The following PLEC variants were observed in gnomAD, a reference collection of about 807,000 sequenced individuals.
PLEC encodes the protein hemidesmosomal protein 1.
A neutral mutation model predicts 392.8 loss-of-function variants in PLEC; 216 were observed. That is an observed-to-expected ratio of 0.55 (90% CI 0.49 to 0.62). The LOEUF is 0.62. Among genes scored for constraint, PLEC ranks in the 20% least tolerant of loss-of-function variants. PLEC has a pLI of 0.00. For synonymous variants in PLEC, 3,621 were observed against 2,980.6 expected (o/e 1.21, Z -7.00); for missense variants, 6,863 against 6,563.4 (o/e 1.05, Z -1.58).
upstream of PLEC, among the ~76,000 whole-genome samples, chr8:143,951,527 C>G (rs1832146737): frequency 6.6e-6 from 1 of 152,146 alleles, no homozygotes; most frequent in South Asian, 2.1e-4. Flanking sequence ...CTCAAGTTAA[C>G]ACTTCCCATT....
chr8:143,975,255 T>G, upstream of PLEC: 1 of 1,608,390 alleles, frequency 6.2e-7, no homozygotes, highest in Middle Eastern at 1.6e-4. This position sits in a 1 kb window ranked among gnomAD's most constrained non-coding sequence, Gnocchi z 9.9. Flanking sequence ...CTGCGCCGGC[T>G]CCGCTGCGTT....
chr8:143,919,222 G>T lies in PLEC; in HGVS notation c.10599C>A (p.Asp3533Glu). 2 of 1,613,884 alleles carry T rather than the reference G, an allele frequency of 1.2e-6. No individual in the cohort carries two copies. Among genetic ancestry groups the T allele is most frequent in the South Asian group, 1.1e-5 (1 of 91,084 alleles). The change falls in exon 32 of 32, where the codon GAC (aspartate) becomes GAA (glutamate). Residue 3533 changes from aspartate to glutamate, a missense_variant. By Grantham distance (45) the Asp-to-Glu change is conservative. Coordinates refer to ENST00000345136, the MANE Select transcript of PLEC (RefSeq NM_201384.3). ...GCAGAAGGCGCAAGCCCGTCTCGGG[G>T]TCCTCCACGCACCGCTCCAGCAGCT... ...YRQLLERCVE[D>E]PETGLRLLPL...
rs1554744895 is a variant in PLEC at position 143,973,356 on chromosome 8, TGGGCTGTCAGGAGC to T, written c.70+33_70+46del. The stretch of plus-strand genomic sequence containing the variant: ...CGTGGACGACAAGGTGCTCGGCGGC[TGGGCTGTCAGGAGC>T]GGCCCGACAGGCAGCGGGACGGGGG... On this transcript the variant is annotated intron_variant, in intron 1 of 31. Coordinates refer to the PLEC transcript ENST00000356346. This position sits in a 1 kb window ranked among gnomAD's most constrained non-coding sequence, Gnocchi z 5.6. 1 of 1,543,060 alleles carries T rather than the reference TGGGCTGTCAGGAGC, an allele frequency of 6.5e-7. No homozygotes were observed. Among genetic ancestry groups the T allele is most frequent in the Non-Finnish European group, 8.7e-7 (1 of 1,143,404 alleles).
rs782696116 is a variant in PLEC, at chr8:143,925,933, G to A, written c.4045-49C>T. On this transcript the variant is annotated intron_variant, in intron 30 of 31. Coordinates refer to ENST00000345136, the MANE Select transcript of PLEC (RefSeq NM_201384.3). The stretch of plus-strand genomic sequence containing the variant: ...AGAGAAGCAGAGAGAGTGTGAACAC[G>A]GGCAGGCGCTGACGGGGCACGCACC... The A allele has an allele frequency of 2.9e-5, 44 of 1,520,024 alleles. No homozygotes were observed. The Admixed American group carries it at 3.7e-4, about 13-fold the overall frequency. The allele number at this position is 1,520,024 out of a possible 1,614,324, so 94.2% of individuals were successfully genotyped here.
chr8:143,949,111 C>T (rs1436962754), intron 1 of PLEC, among the ~76,000 whole-genome samples: 1 of 152,228 alleles, frequency 6.6e-6, no homozygotes, highest in African/African-American at 2.4e-5. Context: ...GTCCAACTCA[C>T]CCCAGGCCAG....
At chr8:143,930,563 G>T in intron 19 of PLEC, 27 bp from the exon 20 acceptor site, 7 of 1,564,514 alleles carry the variant, frequency 4.5e-6, no homozygotes, top group Non-Finnish European at 6.1e-6. Flanking sequence ...GCATCCAGAC[G>T]AGGGCCATGG....
chr8:143,921,809 C>T lies in PLEC; in HGVS notation c.8012G>A (p.Arg2671Gln), dbSNP rs28526657. ...AGILSAEELQ[R>Q]LAQGHTTVDE... ...CACCGTGGTGTGGCCCTGCGCCAAC[C>T]GCTGCAGCTCCTCCGCACTCAGGAT... is the stretch of plus-strand genomic sequence containing the variant. Residue 2671 changes from arginine to glutamine, a missense_variant, in exon 32 of 32, where the codon CGG (arginine) becomes CAG (glutamine). Arg to Gln is a conservative substitution (Grantham distance 43). Coordinates refer to ENST00000345136, the MANE Select transcript of PLEC (RefSeq NM_201384.3). 8,309 of 1,609,092 alleles carry T rather than the reference C, an allele frequency of 5.2e-3. 78 individuals carry two copies. Among genetic ancestry groups the T allele is most frequent in the African/African-American group, 0.039 (2,922 of 75,040 alleles).
intron 1 of PLEC, among the ~76,000 whole-genome samples, chr8:143,948,398 G>A (rs372276483): frequency 1.3e-5 from 2 of 152,208 alleles, no homozygotes; most frequent in African/African-American, 4.8e-5. Context: ...GGTATCATCA[G>A]AACTGCCCCG....
chr8:143,951,265 C>T (rs1554736439), upstream of PLEC, among the ~76,000 whole-genome samples: 1 of 152,060 alleles, frequency 6.6e-6, no homozygotes, highest in East Asian at 1.9e-4. Flanking sequence ...CTCTGGTGTC[C>T]CGGCTTCACA....
rs1827528127 is a variant in PLEC, at chr8:143,932,204, TCTC to T, written c.2005_2007del (p.Glu669del). The T allele has an allele frequency of 6.2e-7, 1 of 1,612,232 alleles. No individual in the cohort carries two copies. On this transcript the variant is annotated inframe_deletion, in exon 17 of 32. Transcript: ENST00000345136. ...GCATTTTGGAGCTCCTTGATCTTCT[TCTC>T]CTTCAGCTCCAGCTCCCGCATCAGC...
At chr8:143,959,469 A>G (rs1832761866) in intron 1 of PLEC, among the ~76,000 whole-genome samples, 1 of 152,254 alleles carries the variant, frequency 6.6e-6, no homozygotes, top group African/African-American at 2.4e-5. Context: ...TCCGGGATGC[A>G]GAGGCCCAGG....
exon 1 of PLEC, chr8:143,950,364 G>C (rs1355021091): frequency 3.1e-6 from 5 of 1,589,962 alleles, no homozygotes; most frequent in Non-Finnish European, 4.3e-6. Context: ...GCCTGCACGT[G>C]GGGGGTGCGG....
intron 1 of PLEC, among the ~76,000 whole-genome samples, chr8:143,970,411 A>G (rs1302671161): frequency 6.6e-6 from 1 of 151,954 alleles, no homozygotes; most frequent in Non-Finnish European, 1.5e-5. Context: ...AGAGGGCGGG[A>G]GAGAGCACAC....
At chr8:143,958,469 T>C (rs1587391292), upstream of PLEC, 1 of 316,146 alleles carries the variant, frequency 3.2e-6, no homozygotes, top group East Asian at 8.3e-5. This position sits in a 1 kb window ranked among gnomAD's most constrained non-coding sequence, Gnocchi z 4.9. Flanking sequence ...TGACCATCCA[T>C]TAGGGGGCCC....
chr8:143,953,194 C>T (rs1259257427), upstream of PLEC, among the ~76,000 whole-genome samples: 1 of 151,230 alleles, frequency 6.6e-6, no homozygotes, highest in South Asian at 2.1e-4. Flanking sequence ...CTTCTCCCCC[C>T]ACTCCAGACC....
Position 143,932,814 on chromosome 8 carries a change from G to A in PLEC, c.1716C>T (p.Ile572=), listed in dbSNP as rs1554718193. 7 of 1,612,476 alleles carry A rather than the reference G, an allele frequency of 4.3e-6. No homozygotes were observed. Among genetic ancestry groups the A allele is most frequent in the South Asian group, 2.2e-5 (2 of 91,052 alleles). ...CCACCTCGTCACTCCGTGCCCGCTC[G>A]ATCTTGGCCCGGAATTCTTCGATGG... ...HQSIEEFRAK[I]ERARSDEGQL... Residue 572 remains isoleucine (I), a synonymous_variant, in exon 14 of 32, where the codon ATC becomes ATT. Coordinates refer to ENST00000345136, the MANE Select transcript of PLEC (RefSeq NM_201384.3).
Position 143,924,380 on chromosome 8 carries a change from G to A in PLEC, c.5549C>T (p.Thr1850Met), listed in dbSNP as rs534267486. 9.9e-5 allele frequency: 158 copies of A among 1,596,146 alleles called. No homozygotes were observed. Among genetic ancestry groups the A allele is most frequent in the Admixed American group, 1.8e-4 (11 of 59,892 alleles). ...AAIGEATRLK[T>M]EAEIALKEKE... ...CTCCTTGAGCGCGATCTCCGCCTCC[G>A]TCTTGAGCCGCGTGGCCTCGCCGAT... The change falls in exon 31 of 32, where the codon ACG becomes ATG. Residue 1850 changes from threonine to methionine, a missense_variant. Transcript: ENST00000345136.
upstream of PLEC, among the ~76,000 whole-genome samples, chr8:143,953,242 G>GCAGCCCC (rs1259890580): frequency 6.7e-6 from 1 of 148,820 alleles, no homozygotes; most frequent in African/African-American, 2.5e-5. Flanking sequence ...GGGCTCCTGG[G>GCAGCCCC]CAGCCCCCAG....
In PLEC at chr8:143,920,290, G is replaced by T. The variant is rs782764977; in HGVS notation, c.9531C>A (p.Asp3177Glu). 11 of 1,591,002 alleles carry T rather than the reference G, an allele frequency of 6.9e-6. No individual in the cohort carries two copies. In the South Asian group the frequency reaches 1.1e-4, roughly 16 times the overall value. Residue 3177 changes from aspartate to glutamate, a missense_variant, in exon 32 of 32, where the codon GAC becomes GAA. Transcript: ENST00000345136. Reference sequence around the variant, plus strand: ...TGCTGGGGTCACTGTAGGCCTTGGCGTCGGCCCTTGGTGCCGACAGGGCCC... The same window carrying T: ...TGCTGGGGTCACTGTAGGCCTTGGCTTCGGCCCTTGGTGCCGACAGGGCCC... Reference protein sequence around the residue: ...TSRALSAPRADAKAYSDPSTG... With the variant: ...TSRALSAPRAEAKAYSDPSTG...
Sources: gnomAD v4.1 joint callset for allele counts (sites outside exome capture counted in the v4.1 genomes callset) on GRCh38, gnomAD v4.1.1 for gene constraint, Gnocchi (gnomAD v3.1) non-coding constraint, MANE v1.5 for transcripts, NCBI Gene and HGNC (gene_info 2026-07-23, HGNC 2026-07-21) for gene names.